Variants in EYS observed in about 807,000 individuals in gnomAD.
EYS encodes protein eyes shut homolog.
EYS carries 250 observed loss-of-function variants against 282.1 expected under a neutral mutation model. The observed-to-expected ratio is 0.89, with a 90% CI of 0.80 to 0.98. The LOEUF (loss-of-function observed/expected upper bound fraction) is 0.98. Among genes scored for constraint, EYS ranks in the 50% least tolerant of loss-of-function variants. The pLI, the probability that EYS is intolerant of heterozygous loss-of-function variation, is 0.00. For missense variants in EYS, 4,016 were observed against 3,709.0 expected (o/e 1.08, Z -2.15); for synonymous variants, 1,355 against 1,282.9 (o/e 1.06, Z -1.20).
chr6:64,784,053 T>G (rs1176686396), intron 22 of EYS, among the ~76,000 whole-genome samples: 1 of 152,094 alleles, frequency 6.6e-6, no homozygotes, highest in Non-Finnish European at 1.5e-5. Flanking sequence ...ACCATAAACT[T>G]TGCTTTTAAT....
At chr6:65,139,959 C>A (rs1475188056) in intron 12 of EYS, among the ~76,000 whole-genome samples, 2 of 151,922 alleles carry the variant, frequency 1.3e-5, no homozygotes, top group African/African-American at 2.4e-5. Context: ...TTTAAAATAT[C>A]CAGAATCTCA....
intron 11 of EYS, among the ~76,000 whole-genome samples, chr6:65,312,707 C>G (rs1353102843): frequency 6.6e-6 from 1 of 152,204 alleles, no homozygotes; most frequent in East Asian, 1.9e-4. Flanking sequence ...TTCATTTCAG[C>G]TATTGGCTTT....
intron 12 of EYS, among the ~76,000 whole-genome samples, chr6:65,094,318 A>G (rs1306460281): frequency 4.1e-5 from 3 of 72,724 alleles, no homozygotes; most frequent in East Asian, 2.7e-4. Flanking sequence ...TATCTTAACG[A>G]AAAAAAAAAA....
At chr6:64,179,593 A>C (rs754431372) in intron 31 of EYS, among the ~76,000 whole-genome samples, 2 of 152,112 alleles carry the variant, frequency 1.3e-5, no homozygotes, top group African/African-American at 2.4e-5. Flanking sequence ...ATTAATGACT[A>C]ATCAAATGAA....
rs1554140755 is a variant in EYS at position 64,295,518 on chromosome 6, A to AAGAAAG, written c.6191+11451_6191+11452insCTTTCT. Among the ~76,000 whole-genome samples the AAGAAAG allele has an allele frequency of 2.2e-3, 80 of 35,906 alleles. 19 individuals carry two copies. The highest frequency in any genetic ancestry group is 0.014 in the African/African-American group (67 of 4,916). 23.6% of individuals were successfully genotyped at this position (35,906 alleles called of 152,430 possible). A position where few individuals can be genotyped will look rare whatever the true frequency, so the allele number is the denominator to read the frequency against. ...GAAGAAAGAAGAAAGAAGAAAGAAG[A>AAGAAAG]AAGAAGAAAGAAGAAGAAAGAAGAA... On this transcript the variant is annotated intron_variant, in intron 30 of 42. Coordinates refer to ENST00000503581, the MANE Select transcript of EYS (RefSeq NM_001142800.2).
chr6:64,600,648 T>C (rs1160448517), intron 24 of EYS, among the ~76,000 whole-genome samples: 7 of 152,118 alleles, frequency 4.6e-5, no homozygotes, highest in Non-Finnish European at 1.5e-5. Context: ...GATTTGTATG[T>C]CTTTTCCAGC....
At chr6:65,254,736 C>A (rs181087648) in intron 12 of EYS, among the ~76,000 whole-genome samples, 5 of 151,756 alleles carry the variant, frequency 3.3e-5, no homozygotes, top group African/African-American at 9.6e-5. Context: ...TGGTGCCTTG[C>A]GGAATAATGT....
chr6:65,643,801 A>T (rs1296507480), intron 1 of EYS, among the ~76,000 whole-genome samples: 1 of 152,032 alleles, frequency 6.6e-6, no homozygotes, highest in African/African-American at 2.4e-5. Context: ...CTTGGTGGCT[A>T]GATCCAAAAA....
intron 12 of EYS, among the ~76,000 whole-genome samples, chr6:65,194,866 T>A (rs1765728081): frequency 6.6e-6 from 1 of 151,626 alleles, no homozygotes; most frequent in Non-Finnish European, 1.5e-5. Context: ...TTTTTTTTTT[T>A]AGACCTGGAT....
At chr6:65,116,010 T>TATCC (rs1330903065) in intron 12 of EYS, among the ~76,000 whole-genome samples, 1 of 151,990 alleles carries the variant, frequency 6.6e-6, no homozygotes, top group Non-Finnish European at 1.5e-5. Flanking sequence ...TCTATCTATC[T>TATCC]ATCTGTTTCT....
At chr6:64,095,823 T>A (rs1772585519) in intron 31 of EYS, among the ~76,000 whole-genome samples, 1 of 152,184 alleles carries the variant, frequency 6.6e-6, no homozygotes, top group African/African-American at 2.4e-5. Flanking sequence ...ATTTTGCTCA[T>A]TAGTTGATGC....
At chr6:64,625,978 T>G in intron 23 of EYS, 143 bp downstream of exon 23, 1 of 531,650 alleles carries the variant, frequency 1.9e-6, no homozygotes. Flanking sequence ...GAATGATCAT[T>G]GCTTAAAACT....
At chr6:64,616,247 A>G (rs1382875456) in intron 24 of EYS, among the ~76,000 whole-genome samples, 1 of 152,178 alleles carries the variant, frequency 6.6e-6, no homozygotes, top group East Asian at 1.9e-4. Context: ...CATTATTGGT[A>G]TAATCTGAGG....
chr6:64,565,592 TGC>T (rs1443470842), intron 26 of EYS, among the ~76,000 whole-genome samples: 2 of 152,120 alleles, frequency 1.3e-5, no homozygotes, highest in African/African-American at 4.8e-5. Context: ...GAATGGTGGT[TGC>T]CACAAGCTGG....
At chr6:65,657,521 T>C (rs1231651167) in intron 1 of EYS, among the ~76,000 whole-genome samples, 2 of 151,796 alleles carry the variant, frequency 1.3e-5, no homozygotes, top group African/African-American at 4.8e-5. Context: ...GTGGTAGAAA[T>C]AGCAAGAGAA....
chr6:65,434,384 A>C (rs1004474705), intron 5 of EYS, among the ~76,000 whole-genome samples: 2 of 150,660 alleles, frequency 1.3e-5, no homozygotes, highest in East Asian at 2.0e-4. Context: ...GCAGTGGTGC[A>C]ATCTCGGCTC....
At chr6:64,314,484 T>C (rs1769857455) in intron 29 of EYS, among the ~76,000 whole-genome samples, 1 of 152,146 alleles carries the variant, frequency 6.6e-6, no homozygotes, top group African/African-American at 2.4e-5. Flanking sequence ...GACAGAAAAT[T>C]AATAAGCACC....
rs563260230 is a variant in EYS, at chr6:63,745,847, G to C, written c.8071+16614C>G. Among the ~76,000 whole-genome samples, 59 of 152,278 alleles carry C rather than the reference G, an allele frequency of 3.9e-4. 1 individual carries two copies. The South Asian group carries it at 0.012, about 31-fold the overall frequency. ...TACTGAAGTAATTAAGGTTAAATGA[G>C]GTTGTGATGTTGGAGTTGTAATCCA... is the stretch of plus-strand genomic sequence containing the variant. On this transcript the variant is annotated intron_variant, in intron 41 of 42. Transcript: ENST00000503581.
At chr6:65,643,240 G>A (rs1316642520) in intron 1 of EYS, among the ~76,000 whole-genome samples, 2 of 152,146 alleles carry the variant, frequency 1.3e-5, no homozygotes, top group Admixed American at 6.5e-5. Flanking sequence ...TGTGGGAGCA[G>A]GGTGAGTCCT....
Sources: allele counts gnomAD v4.1 joint callset (sites outside exome capture counted in the v4.1 genomes callset), GRCh38; gene constraint gnomAD v4.1.1; transcripts MANE v1.5; gene names NCBI Gene and HGNC (gene_info 2026-07-23, HGNC 2026-07-21).